The following PDE8A variants were observed in gnomAD, a reference collection of about 807,000 sequenced individuals.
PDE8A encodes the protein high affinity cAMP-specific and IBMX-insensitive 3',5'-cyclic phosphodiesterase 8A.
A neutral mutation model predicts 105.0 loss-of-function variants in PDE8A; 59 were observed. The ratio of observed to expected loss-of-function variants is 0.56; its 90% CI spans 0.46 to 0.70. The LOEUF (loss-of-function observed/expected upper bound fraction) is 0.70, where lower values mean the gene tolerates loss of function less well. Ranked by LOEUF, PDE8A falls within the 30% of genes least tolerant of loss-of-function variation. The pLI is 0.00. For missense variants in PDE8A, 1,014 were observed against 1,045.9 expected (o/e 0.97, Z 0.42); for synonymous variants, 355 against 371.9 (o/e 0.95, Z 0.52).
chr15:85,017,671 G>A (rs1048011491), intron 1 of PDE8A, among the ~76,000 whole-genome samples: 1 of 152,064 alleles, frequency 6.6e-6, no homozygotes, highest in African/African-American at 2.4e-5. Context: ...TGGATTACTT[G>A]AGGTCAGGAG....
rs375756934 is a variant in PDE8A at position 85,031,718 on chromosome 15, A to T, written c.187-32652A>T. 2.0e-5 allele frequency among the ~76,000 whole-genome samples: 3 copies of T among 152,182 alleles called. No individual in the cohort carries two copies. The South Asian group carries it at 6.2e-4, about 32-fold the overall frequency. Reference sequence around the variant, plus strand: ...TACTTTATAGAGTTGATGTGTGAGGATTAAGATGTTCTGTGGTACATAGTA... The same window carrying T: ...TACTTTATAGAGTTGATGTGTGAGGTTTAAGATGTTCTGTGGTACATAGTA... On this transcript the variant is annotated intron_variant, in intron 1 of 21. Transcript: ENST00000394553.
chr15:85,072,015 T>TA (rs1164618028), intron 3 of PDE8A, among the ~76,000 whole-genome samples: 3 of 152,002 alleles, frequency 2.0e-5, no homozygotes, highest in South Asian at 2.1e-4. Flanking sequence ...ATAGAGGAAA[T>TA]AAAAAAAGTA....
chr15:85,035,531 ATTTTCT>A (rs1438832745), intron 1 of PDE8A, among the ~76,000 whole-genome samples: 1 of 151,562 alleles, frequency 6.6e-6, no homozygotes, highest in Admixed American at 6.6e-5. Context: ...CTTTAAAGTG[ATTTTCT>A]TTTTCCACTC....
At chr15:85,084,256 C>T (rs1451349908) in intron 6 of PDE8A, among the ~76,000 whole-genome samples, 1 of 152,144 alleles carries the variant, frequency 6.6e-6, no homozygotes, top group Non-Finnish European at 1.5e-5. Context: ...TGGATCATTT[C>T]ATTTGTATGT....
chr15:85,060,303 A>G (rs1479461544), intron 1 of PDE8A, among the ~76,000 whole-genome samples: 1 of 152,044 alleles, frequency 6.6e-6, no homozygotes, highest in African/African-American at 2.4e-5. Context: ...CAAAAATTCT[A>G]CTCCTATACT....
intron 4 of PDE8A, 114 bp downstream of exon 4, chr15:85,076,032 G>T: frequency 3.5e-6 from 2 of 567,858 alleles, no homozygotes; most frequent in South Asian, 3.1e-5. Flanking sequence ...TTGTAGTGTG[G>T]CCTTCTCTTC....
chr15:84,982,357 C>T lies in PDE8A; in HGVS notation c.186+9C>T. On this transcript the variant is annotated intron_variant, in intron 1 of 21. Coordinates refer to ENST00000394553, the MANE Select transcript of PDE8A (RefSeq NM_002605.3). ...ACGGCAGCGGCAAGAAGGTAAGGGG[C>T]GCCGGGCACTCTGGGGCCGCCGCGA... 1.5e-6 allele frequency: 2 copies of T among 1,313,398 alleles called. No individual in the cohort carries two copies. Among genetic ancestry groups the T allele is most frequent in the Non-Finnish European group, 1.9e-6 (2 of 1,033,422 alleles). 81.4% of individuals were successfully genotyped at this position (1,313,398 alleles called of 1,614,324 possible).
At chr15:85,033,737 C>T (rs544696030) in intron 1 of PDE8A, among the ~76,000 whole-genome samples, 3 of 152,018 alleles carry the variant, frequency 2.0e-5, no homozygotes, top group African/African-American at 4.8e-5. Flanking sequence ...TGGTGGCGGG[C>T]GCCTGTAATC....
chr15:85,053,063 T>C (rs1657464661), intron 1 of PDE8A, among the ~76,000 whole-genome samples: 1 of 152,224 alleles, frequency 6.6e-6, no homozygotes, highest in African/African-American at 2.4e-5. Flanking sequence ...CCCAGCACTA[T>C]TTATTAAATA....
In PDE8A at chr15:85,052,600, T is replaced by C. The variant is rs2080994264; in HGVS notation, c.187-11770T>C. 2.6e-5 allele frequency among the ~76,000 whole-genome samples: 4 copies of C among 152,378 alleles called. No homozygotes were observed. In the South Asian group the frequency reaches 8.3e-4, roughly 32 times the overall value. ...GATGATGAGCATTTTTTCATGTGTC[T>C]GTTGGCTGCATAAATGTCTTCTTTT... is the stretch of plus-strand genomic sequence containing the variant. On this transcript the variant is annotated intron_variant, in intron 1 of 21. Coordinates refer to ENST00000394553, the MANE Select transcript of PDE8A (RefSeq NM_002605.3).
At chr15:84,993,794 G>A (rs1027824181) in intron 1 of PDE8A, among the ~76,000 whole-genome samples, 2 of 152,072 alleles carry the variant, frequency 1.3e-5, no homozygotes, top group African/African-American at 4.8e-5. Flanking sequence ...AGACTGAGGT[G>A]GGAGGATTGC....
intron 13 of PDE8A, 36 bp from the exon 14 acceptor site, chr15:85,113,837 G>A: frequency 6.5e-7 from 1 of 1,542,772 alleles, no homozygotes; most frequent in Non-Finnish European, 8.9e-7. Flanking sequence ...TGTTTTTAAG[G>A]TTATGAAACT....
intron 12 of PDE8A, among the ~76,000 whole-genome samples, chr15:85,112,905 C>T (rs1255141869): frequency 6.6e-6 from 1 of 152,148 alleles, no homozygotes; most frequent in Non-Finnish European, 1.5e-5. Context: ...CAGTGGGAAG[C>T]ACCAGAGGGT....
chr15:85,044,298 A>G (rs2080855192), intron 1 of PDE8A, among the ~76,000 whole-genome samples: 1 of 152,172 alleles, frequency 6.6e-6, no homozygotes, highest in South Asian at 2.1e-4. Flanking sequence ...AACATACACA[A>G]GGTTCACAGT....
chr15:85,056,381 C>T (rs951171042), intron 1 of PDE8A, among the ~76,000 whole-genome samples: 2 of 152,188 alleles, frequency 1.3e-5, no homozygotes, highest in Non-Finnish European at 2.9e-5. Context: ...AGAAGTTTTC[C>T]TGGATAATAT....
At chr15:85,098,327 A>G (rs1337795134) in intron 9 of PDE8A, among the ~76,000 whole-genome samples, 2 of 152,264 alleles carry the variant, frequency 1.3e-5, no homozygotes, top group African/African-American at 4.8e-5. Context: ...AAGTTGTGTG[A>G]TAATACTGAC....
intron 8 of PDE8A, among the ~76,000 whole-genome samples, chr15:85,094,272 T>C (rs1181864967): frequency 6.6e-6 from 1 of 152,194 alleles, no homozygotes; most frequent in African/African-American, 2.4e-5. Context: ...CCTAAGATGA[T>C]GATGTGCAGC....
At chr15:85,064,655 T>C (rs2081193586) in intron 2 of PDE8A, among the ~76,000 whole-genome samples, 1 of 152,178 alleles carries the variant, frequency 6.6e-6, no homozygotes, top group Non-Finnish European at 1.5e-5. Context: ...TAGCCTACTT[T>C]CATTGGTTCA....
intron 1 of PDE8A, among the ~76,000 whole-genome samples, chr15:84,985,378 A>G (rs1465852780): frequency 6.6e-6 from 1 of 152,224 alleles, no homozygotes; most frequent in African/African-American, 2.4e-5. Context: ...GGTTACAGAT[A>G]ATGAATGCTG....
Sources: gnomAD v4.1 joint callset for allele counts (sites outside exome capture counted in the v4.1 genomes callset) on GRCh38, gnomAD v4.1.1 for gene constraint, MANE v1.5 for transcripts, NCBI Gene and HGNC (gene_info 2026-07-23, HGNC 2026-07-21) for gene names.